Variants in WDR1 observed in about 807,000 individuals in gnomAD.
WDR1 encodes WD repeat-containing protein 1.
Under a neutral mutation model 71.9 loss-of-function variants are expected in WDR1, and 21 were observed. That is an observed-to-expected ratio of 0.29 (90% CI 0.21 to 0.42). The LOEUF is 0.42. WDR1 is among the 10% of genes least tolerant of loss of function. The probability of loss-of-function intolerance (pLI) is 1.00; values close to 1 mark genes in which losing one functional copy is unlikely to be tolerated. For missense variants in WDR1, 696 were observed against 824.5 expected (o/e 0.84, Z 1.91); for synonymous variants, 424 against 347.4 (o/e 1.22, Z -2.45).
Position 10,088,296 on chromosome 4 carries a change from G to A in WDR1, c.714C>T (p.Tyr238=), listed in dbSNP as rs1051518712. 4 of 1,553,018 alleles carry A rather than the reference G, an allele frequency of 2.6e-6. No homozygotes were observed. The highest frequency in any genetic ancestry group is 1.4e-5 in the African/African-American group (1 of 73,090). Residue 238 remains tyrosine, a synonymous_variant, in exon 7 of 15, where the codon TAC becomes TAT. Transcript: ENST00000499869. ...GGSKAHDGGI[Y]AISWSPDSTH... ...CGGGAAACACGCTCATACTCACTGC[G>A]TAAATCCCACCGTCGTGGGCCTTGC... is the stretch of plus-strand genomic sequence containing the variant.
chr4:10,074,891 G>C lies in WDR1; in HGVS notation c.*487C>G, dbSNP rs571527249. 1 of 160,284 alleles carries C rather than the reference G, an allele frequency of 6.2e-6. No individual in the cohort carries two copies. The highest frequency in any genetic ancestry group is 6.4e-5 in the Admixed American group (1 of 15,746). The allele number at this position is 160,284 out of a possible 1,614,324, so 9.9% of individuals were successfully genotyped here. A position where few individuals can be genotyped will look rare whatever the true frequency, so the allele number is the denominator to read the frequency against. On this transcript the variant is annotated 3_prime_UTR_variant, in exon 15 of 15. Transcript: ENST00000499869. ...GCCACAAGGTGTGAGTCACACACTA[G>C]GGAGACAGACATCTGTTCAACACAG...
chr4:10,116,751 C>T lies in WDR1; in HGVS notation c.-85G>A, dbSNP rs1713769378. 2.4e-6 allele frequency: 3 copies of T among 1,258,258 alleles called. No homozygotes were observed. The highest frequency in any genetic ancestry group is 2.0e-6 in the Non-Finnish European group (2 of 997,996). 77.9% of individuals were successfully genotyped at this position (1,258,258 alleles called of 1,614,324 possible). A position where few individuals can be genotyped will look rare whatever the true frequency, so the allele number is the denominator to read the frequency against. The stretch of plus-strand genomic sequence containing the variant: ...CGAATTACACCTCGCCGAGGCCGAG[C>T]CCGGGGACTGGAGCCGGAAGGCGGC... On this transcript the variant is annotated 5_prime_UTR_variant, in exon 1 of 15. Coordinates refer to ENST00000499869, the MANE Select transcript of WDR1 (RefSeq NM_017491.5).
intron 8 of WDR1, among the ~76,000 whole-genome samples, chr4:10,084,962 G>A (rs190799172): frequency 6.6e-6 from 1 of 152,248 alleles, no homozygotes; most frequent in Non-Finnish European, 1.5e-5. Flanking sequence ...TGGTTTGTGA[G>A]GTTTCTTCTC....
intron 8 of WDR1, among the ~76,000 whole-genome samples, chr4:10,086,434 G>A (rs1003573403): frequency 2.0e-5 from 3 of 152,204 alleles, no homozygotes; most frequent in Admixed American, 6.5e-5. Flanking sequence ...ATGCATGAGC[G>A]TTGAGGTGAC....
chr4:10,084,248 A>C (rs1412658098), intron 9 of WDR1, among the ~76,000 whole-genome samples, 195 bp downstream of exon 9: 1 of 152,162 alleles, frequency 6.6e-6, no homozygotes, highest in Non-Finnish European at 1.5e-5. Flanking sequence ...GGAGTTGCCA[A>C]GGACAACTCC....
At chr4:10,084,800 G>A (rs1251401518) in intron 8 of WDR1, among the ~76,000 whole-genome samples, 14 of 152,192 alleles carry the variant, frequency 9.2e-5, no homozygotes, top group Non-Finnish European at 2.1e-4. Context: ...CCTGGGCCCA[G>A]ACCTGCGTCT....
intron 3 of WDR1, among the ~76,000 whole-genome samples, chr4:10,102,986 G>A (rs555263213): frequency 6.6e-6 from 1 of 152,170 alleles, no homozygotes; most frequent in Non-Finnish European, 1.5e-5. Flanking sequence ...TTCTAGAAGG[G>A]GTACCACTCT....
At chr4:10,103,811 A>G in intron 3 of WDR1, 85 bp downstream of exon 3, 1 of 197,980 alleles carries the variant, frequency 5.1e-6, no homozygotes, top group Non-Finnish European at 7.7e-6. Flanking sequence ...CCACTCTCCC[A>G]AGGCCAGAAG....
At chr4:10,110,372 A>C (rs1332267771) in intron 2 of WDR1, among the ~76,000 whole-genome samples, 1 of 152,232 alleles carries the variant, frequency 6.6e-6, no homozygotes, top group Non-Finnish European at 1.5e-5. Context: ...CCATCTCTCC[A>C]GTAGTCTTAC....
At position 10,087,840 on chromosome 4, in the gene WDR1, G is replaced by A. The variant is rs1578424920; in HGVS notation, c.818C>T (p.Pro273Leu). ...VSVNSVVSTF[P>L]MGSTVLDQQL... is the part of the protein sequence containing the mutation. ...CTGGTCCAGAACCGTGGAGCCCATG[G>A]GAAATGTGCTGACCACGGAGTTCAC... Residue 273 changes from proline (P) to leucine (L), a missense_variant, in exon 8 of 15, where the codon CCC (proline) becomes CTC (leucine). Transcript: ENST00000499869. 2.5e-6 allele frequency: 4 copies of A among 1,578,704 alleles called. No homozygotes were observed. The highest frequency in any genetic ancestry group is 1.7e-6 in the Non-Finnish European group (2 of 1,161,526).
chr4:10,095,662 C>A lies in WDR1; in HGVS notation c.558+2049G>T, dbSNP rs972436456. Among the ~76,000 whole-genome samples the A allele has an allele frequency of 2.0e-5, 3 of 152,352 alleles. No individual in the cohort carries two copies. The South Asian group carries it at 6.2e-4, about 32-fold the overall frequency. On this transcript the variant is annotated intron_variant, in intron 5 of 14. Transcript: ENST00000499869. ...GGCAGGTGTGGGGTCCCTGAGCACCCTTCCTGTCCTTCCTATGCGTGGGCA... is the reference window on the plus strand; with the variant it reads ...GGCAGGTGTGGGGTCCCTGAGCACCATTCCTGTCCTTCCTATGCGTGGGCA...
At chr4:10,109,535 G>A (rs1238859278) in intron 2 of WDR1, among the ~76,000 whole-genome samples, 1 of 152,204 alleles carries the variant, frequency 6.6e-6, no homozygotes, top group Non-Finnish European at 1.5e-5. Flanking sequence ...AGGACGGGGT[G>A]GTCACTCACA....
chr4:10,081,592 T>C lies in WDR1; in HGVS notation c.1197-148A>G, dbSNP rs545559911. ...TGGAGAGACTTGCTAAAATATGGGA[T>C]GGTAGCGAAAAAACGATCCATGACT... On this transcript the variant is annotated intron_variant, in intron 10 of 14. Transcript: ENST00000499869. 11 of 534,592 alleles carry C rather than the reference T, an allele frequency of 2.1e-5. No individual in the cohort carries two copies. The East Asian group carries it at 4.9e-4, about 24-fold the overall frequency. 33.1% of individuals were successfully genotyped at this position (534,592 alleles called of 1,614,324 possible).
chr4:10,088,854 T>A (rs1465405225), intron 5 of WDR1, 113 bp from the exon 6 acceptor site: 3 of 828,556 alleles, frequency 3.6e-6, no homozygotes, highest in Non-Finnish European at 6.0e-6. Flanking sequence ...GTGTGAACTG[T>A]TAGTCCACTG....
chr4:10,106,454 C>T (rs1424159635), intron 2 of WDR1: 3 of 152,276 alleles, frequency 2.0e-5, no homozygotes, highest in African/African-American at 7.2e-5. Flanking sequence ...GGGGAGGTCT[C>T]ACGCTCACAT....
chr4:10,107,651 G>A (rs1397538501), intron 2 of WDR1, among the ~76,000 whole-genome samples: 2 of 152,216 alleles, frequency 1.3e-5, no homozygotes, highest in Non-Finnish European at 2.9e-5. Flanking sequence ...CTCCACACCT[G>A]GGGGCTAGGG....
chr4:10,099,425 C>G (rs1236791883), intron 3 of WDR1, among the ~76,000 whole-genome samples: 5 of 152,280 alleles, frequency 3.3e-5, no homozygotes, highest in African/African-American at 1.2e-4. Context: ...ATAACAAACC[C>G]TGCTTAGGCA....
At chr4:10,109,828 CAA>C (rs1165946335) in intron 2 of WDR1, among the ~76,000 whole-genome samples, 1 of 152,210 alleles carries the variant, frequency 6.6e-6, no homozygotes, top group Non-Finnish European at 1.5e-5. Context: ...CCTCACCTCT[CAA>C]AAGAGAGATG....
In WDR1 at chr4:10,074,354, TTTAA is replaced by T. The variant is rs1343849083; in HGVS notation, c.*1020_*1023del. Reference sequence around the variant, plus strand: ...TGACCCACAGTGAAGAGAAAAGATATTTAATTATTTCTCAGGCTAATCTCTTAAA... The same window carrying T: ...TGACCCACAGTGAAGAGAAAAGATATTTATTTCTCAGGCTAATCTCTTAAA... On this transcript the variant is annotated 3_prime_UTR_variant, in exon 15 of 15. Transcript: ENST00000499869. 6.6e-6 allele frequency: 1 copy of T among 152,336 alleles called. No individual in the cohort carries two copies. Among genetic ancestry groups the T allele is most frequent in the African/African-American group, 2.4e-5 (1 of 41,404 alleles). 9.4% of individuals were successfully genotyped at this position (152,336 alleles called of 1,614,324 possible).
Sources: gnomAD v4.1 joint callset for allele counts (sites outside exome capture counted in the v4.1 genomes callset) on GRCh38, gnomAD v4.1.1 for gene constraint, MANE v1.5 for transcripts, NCBI Gene and HGNC (gene_info 2026-07-23, HGNC 2026-07-21) for gene names.